ANK3: variants seen among roughly 807,000 people sequenced by gnomAD.
ANK3 encodes the protein ankyrin-3.
A neutral mutation model predicts 370.9 loss-of-function variants in ANK3; 57 were observed. That is an observed-to-expected ratio of 0.15 (90% CI 0.12 to 0.19). ANK3 has a LOEUF of 0.19. ANK3 is among the 10% of genes least tolerant of loss of function. ANK3 has a pLI of 1.00. For synonymous variants in ANK3, 1,929 were observed against 1,946.3 expected (o/e 0.99, Z 0.23); for missense variants, 4,439 against 5,302.1 (o/e 0.84, Z 5.06).
chr10:60,282,114 G>A (rs1326669949), intron 1 of ANK3, among the ~76,000 whole-genome samples: 9 of 152,134 alleles, frequency 5.9e-5, no homozygotes. Flanking sequence ...ACTTATCAGT[G>A]AATTTGCCCA....
intron 2 of ANK3, among the ~76,000 whole-genome samples, chr10:60,554,805 T>G (rs1041207486): frequency 1.3e-5 from 2 of 152,210 alleles, no homozygotes; most frequent in Non-Finnish European, 2.9e-5. Flanking sequence ...CTGATAATTA[T>G]ACACAGTTTG....
intron 2 of ANK3, among the ~76,000 whole-genome samples, chr10:60,588,420 T>C (rs12767697): frequency 0.47 from 71,329 of 151,010 alleles, 17,232 homozygotes; most frequent in Middle Eastern, 0.52. Flanking sequence ...CCTGACCTCA[T>C]GATCTACCTG....
chr10:60,322,492 T>C (rs1414299563), intron 1 of ANK3, among the ~76,000 whole-genome samples: 1 of 150,804 alleles, frequency 6.6e-6, no homozygotes, highest in Non-Finnish European at 1.5e-5. Flanking sequence ...AAAAATATAT[T>C]GTCAAAAAAA....
rs1181961415 is a variant in ANK3, at chr10:60,300,214, G to C, written c.115-20575C>G. On this transcript the variant is annotated intron_variant, in intron 1 of 43. Transcript: ENST00000280772. ...ATCCGTAGTGCAAACAGGTTAATTT[G>C]CTTCCTACCCAGCAACAAACATTTT... is the stretch of plus-strand genomic sequence containing the variant. 8.6e-6 allele frequency: 5 copies of C among 582,104 alleles called. No homozygotes were observed. In the East Asian group the frequency reaches 3.4e-4, roughly 39 times the overall value. 36.1% of individuals were successfully genotyped at this position (582,104 alleles called of 1,614,324 possible).
chr10:60,272,275 A>G (rs1169182952), intron 4 of ANK3, among the ~76,000 whole-genome samples: 1 of 152,112 alleles, frequency 6.6e-6, no homozygotes, highest in Non-Finnish European at 1.5e-5. Context: ...AGATCATTAC[A>G]TCCTTAGTTA....
intron 2 of ANK3, among the ~76,000 whole-genome samples, chr10:60,540,235 G>T (rs2076816843): frequency 6.6e-6 from 1 of 151,782 alleles, no homozygotes; most frequent in Admixed American, 6.6e-5. Flanking sequence ...CACTTGATGG[G>T]TCGAGATAAT....
At chr10:60,612,415 T>C (rs138915361) in intron 2 of ANK3, among the ~76,000 whole-genome samples, 16 of 152,240 alleles carry the variant, frequency 1.1e-4, no homozygotes, top group African/African-American at 3.6e-4. Context: ...TACTTTTAAG[T>C]TGGGGATAAA....
At chr10:60,560,074 G>C (rs1415618607) in intron 2 of ANK3, among the ~76,000 whole-genome samples, 2 of 152,044 alleles carry the variant, frequency 1.3e-5, no homozygotes, top group Non-Finnish European at 2.9e-5. Flanking sequence ...GATAGAGAGA[G>C]AGAGAGAGAT....
intron 2 of ANK3, among the ~76,000 whole-genome samples, chr10:60,511,741 T>C (rs889958986): frequency 9.9e-5 from 15 of 151,684 alleles, no homozygotes; most frequent in Middle Eastern, 3.4e-3. Flanking sequence ...AAAGAACTCC[T>C]GCTTCCCCCA....
chr10:60,149,865 C>T (rs1039170675), intron 23 of ANK3, among the ~76,000 whole-genome samples: 11 of 152,150 alleles, frequency 7.2e-5, no homozygotes, highest in Admixed American at 2.0e-4. Flanking sequence ...CCCACCACCA[C>T]GCCTGGCTAC....
chr10:60,138,558 T>A (rs2094445982), intron 24 of ANK3: 1 of 405,894 alleles, frequency 2.5e-6, no homozygotes, highest in Non-Finnish European at 4.3e-6. Context: ...GAATTATTAT[T>A]TCAGTAACAG....
chr10:60,346,700 T>C (rs187134674), intron 1 of ANK3, among the ~76,000 whole-genome samples: 1 of 152,234 alleles, frequency 6.6e-6, no homozygotes, highest in East Asian at 1.9e-4. Context: ...TTTGGAAATA[T>C]ATATGCAAAC....
At chr10:60,048,270 C>T (rs530045004) in intron 42 of ANK3, among the ~76,000 whole-genome samples, 4 of 152,324 alleles carry the variant, frequency 2.6e-5, no homozygotes, top group Middle Eastern at 3.4e-3. Context: ...TATGCTGGTT[C>T]AGTCCAGGTT....
chr10:60,173,645 G>C (rs1434035196), intron 18 of ANK3, among the ~76,000 whole-genome samples: 6 of 152,190 alleles, frequency 3.9e-5, no homozygotes, highest in Non-Finnish European at 7.3e-5. Flanking sequence ...GCCTGATAGA[G>C]ATAGGAAGAA....
intron 36 of ANK3, among the ~76,000 whole-genome samples, chr10:60,079,509 A>T (rs2084679133): frequency 6.6e-6 from 1 of 152,182 alleles, no homozygotes; most frequent in South Asian, 2.1e-4. Context: ...GCCCATAAAA[A>T]CAAGACTTCA....
intron 2 of ANK3, among the ~76,000 whole-genome samples, chr10:60,476,604 G>C (rs1343035135): frequency 6.6e-6 from 1 of 152,110 alleles, no homozygotes; most frequent in East Asian, 1.9e-4. Flanking sequence ...TAAAGTTTAA[G>C]GGGGCAACTT....
In ANK3 at chr10:60,263,978, C is replaced by T. The variant is rs1592696131; in HGVS notation, c.556G>A (p.Asp186Asn). The change falls in exon 6 of 44, where the codon GAC (aspartate) becomes AAC (asparagine). Residue 186 changes from aspartate to asparagine, a missense_variant. Around this residue, in one of 13 missense-constraint regions of ANK3, gnomAD observed 136 missense variants for 230.5 expected, o/e 0.59. Transcript: ENST00000280772. Reference sequence around the variant, plus strand: ...TCTAGCAGGAGCGAAACGACTTGGTCGTGACCTTGTTGCAAAGCCACTGCC... The same window carrying T: ...TCTAGCAGGAGCGAAACGACTTGGTTGTGACCTTGTTGCAAAGCCACTGCC... ...PLAVALQQGHDQVVSLLLEND... is the reference protein window; with the variant it reads ...PLAVALQQGHNQVVSLLLEND... The T allele has an allele frequency of 1.9e-6, 3 of 1,614,058 alleles. No homozygotes were observed. Among genetic ancestry groups the T allele is most frequent in the Non-Finnish European group, 2.5e-6 (3 of 1,179,996 alleles).
intron 2 of ANK3, among the ~76,000 whole-genome samples, chr10:60,596,022 A>G (rs1054230496): frequency 6.6e-6 from 1 of 152,108 alleles, no homozygotes; most frequent in African/African-American, 2.4e-5. Flanking sequence ...TGAGGCTCTT[A>G]ACCTTTTTAA....
At chr10:60,403,236 C>A (rs979085397) in intron 2 of ANK3, among the ~76,000 whole-genome samples, 2 of 152,056 alleles carry the variant, frequency 1.3e-5, no homozygotes, top group African/African-American at 4.8e-5. Context: ...AAATTCCACA[C>A]CTATATGGTT....
Sources: allele counts gnomAD v4.1 joint callset (sites outside exome capture counted in the v4.1 genomes callset), GRCh38; gene constraint gnomAD v4.1.1; regional missense constraint gnomAD v4.1.1; transcripts MANE v1.5; gene names NCBI Gene and HGNC (gene_info 2026-07-23, HGNC 2026-07-21).